The following LVRN variants were observed in gnomAD, a reference collection of about 807,000 sequenced individuals.
LVRN encodes the protein laeverin.
In LVRN, 99 loss-of-function variants were observed where a neutral mutation model predicts 111.4. That is an observed-to-expected ratio of 0.89 (90% CI 0.76 to 1.05). The LOEUF (loss-of-function observed/expected upper bound fraction) is 1.05. LVRN is among the 50% of genes least tolerant of loss of function. The probability of loss-of-function intolerance (pLI) is 0.00; values close to 1 mark genes in which losing one functional copy is unlikely to be tolerated. For missense variants in LVRN, 1,414 were observed against 1,206.8 expected (o/e 1.17, Z -2.54); for synonymous variants, 488 against 449.5 (o/e 1.09, Z -1.08).
intron 1 of LVRN, among the ~76,000 whole-genome samples, chr5:115,979,247 C>A (rs1264421573): frequency 6.6e-6 from 1 of 152,172 alleles, no homozygotes; most frequent in Admixed American, 6.5e-5. Context: ...TAGATCCCCA[C>A]CTGGTAGGAG....
chr5:115,976,115 A>G (rs1753443651), intron 1 of LVRN: 1 of 152,280 alleles, frequency 6.6e-6, no homozygotes. Context: ...ACTAGCGGCC[A>G]CAGCCTCCGG....
chr5:115,963,716 C>A (rs1432918346), intron 1 of LVRN, among the ~76,000 whole-genome samples: 2 of 152,180 alleles, frequency 1.3e-5, no homozygotes, highest in African/African-American at 2.4e-5. Context: ...TCTTTCAAAG[C>A]CAGACAGAGT....
intron 19 of LVRN, among the ~76,000 whole-genome samples, chr5:116,025,365 A>C (rs1380587459): frequency 2.0e-5 from 3 of 152,216 alleles, no homozygotes; most frequent in South Asian, 2.1e-4. Context: ...ATACAAAAAG[A>C]GACTCGGTAA....
In LVRN at chr5:115,966,252, C is replaced by T. The variant is rs551184720; in HGVS notation, c.695+2940C>T. 1.6e-4 allele frequency among the ~76,000 whole-genome samples: 25 copies of T among 152,304 alleles called. No homozygotes were observed. In the South Asian group the frequency reaches 4.8e-3, roughly 29 times the overall value. ...CCTAATCATCTCTAACCCCTGACAA[C>T]CACTAATCCGTTCCATCTTTGTAAT... On this transcript the variant is annotated intron_variant, in intron 1 of 19. Transcript: ENST00000357872.
intron 1 of LVRN, among the ~76,000 whole-genome samples, chr5:115,971,704 T>C (rs1753331258): frequency 6.6e-6 from 1 of 152,158 alleles, no homozygotes; most frequent in Non-Finnish European, 1.5e-5. Context: ...AATTCTGTAT[T>C]GTCTTGATTC....
chr5:115,981,751 A>G (rs763448605), intron 1 of LVRN, among the ~76,000 whole-genome samples: 1 of 152,274 alleles, frequency 6.6e-6, no homozygotes, highest in South Asian at 2.1e-4. Flanking sequence ...TTAAAGATGC[A>G]TCTGTAACTA....
intron 18 of LVRN, chr5:116,021,579 C>G (rs1748730528): frequency 3.2e-6 from 1 of 308,634 alleles, no homozygotes. Flanking sequence ...AGAGTTAACT[C>G]TTATCATTTT....
At chr5:116,012,025 G>T (rs1748501116) in intron 14 of LVRN, among the ~76,000 whole-genome samples, 1 of 151,682 alleles carries the variant, frequency 6.6e-6, no homozygotes, top group Admixed American at 6.6e-5. Context: ...TCTCTATTTT[G>T]AACATAACTG....
At chr5:116,004,380 G>C (rs1008451314) in intron 12 of LVRN, among the ~76,000 whole-genome samples, 34 of 152,332 alleles carry the variant, frequency 2.2e-4, no homozygotes, top group African/African-American at 8.2e-4. Flanking sequence ...GTGACTTGCT[G>C]TGAGCCCGTG....
intron 1 of LVRN, among the ~76,000 whole-genome samples, chr5:115,963,584 C>T (rs1031491952): frequency 3.9e-5 from 6 of 152,238 alleles, no homozygotes; most frequent in Admixed American, 6.5e-5. Context: ...TTAGGTATAT[C>T]TCCCAATGCA....
At chr5:115,981,322 A>T (rs1753554883) in intron 1 of LVRN, among the ~76,000 whole-genome samples, 1 of 152,206 alleles carries the variant, frequency 6.6e-6, no homozygotes, top group South Asian at 2.1e-4. Context: ...ATTATAAATG[A>T]TACAGAAGAA....
intron 6 of LVRN, among the ~76,000 whole-genome samples, chr5:115,997,944 T>C (rs1748154074): frequency 1.3e-5 from 2 of 152,104 alleles, no homozygotes; most frequent in South Asian, 4.1e-4. Context: ...ATGGTTATAG[T>C]GATATCACGA....
At chr5:116,023,874 A>G (rs1252827324) in intron 19 of LVRN, among the ~76,000 whole-genome samples, 2 of 152,208 alleles carry the variant, frequency 1.3e-5, no homozygotes, top group Admixed American at 6.5e-5. Flanking sequence ...GTTTTTTGAA[A>G]TGTTAACTGG....
rs1159259257 is a variant in LVRN, at chr5:116,027,405, A to C, written c.*1287A>C. 1.3e-5 allele frequency: 2 copies of C among 152,212 alleles called. 1 individual carries two copies. Among genetic ancestry groups the C allele is most frequent in the South Asian group, 4.1e-4 (2 of 4,824 alleles). 9.4% of individuals were successfully genotyped at this position (152,212 alleles called of 1,614,324 possible). A position where few individuals can be genotyped will look rare whatever the true frequency, so the allele number is the denominator to read the frequency against. On this transcript the variant is annotated 3_prime_UTR_variant, in exon 20 of 20. Coordinates refer to ENST00000357872, the MANE Select transcript of LVRN (RefSeq NM_173800.5). ...TATAAGTTAAGGCAGCCATAAATGA[A>C]AATACAAAACAAACGTTTGCTTTTG...
At chr5:115,974,671 T>TAGTC (rs1342162803) in intron 1 of LVRN, 1 of 160,464 alleles carries the variant, frequency 6.2e-6, no homozygotes, top group Non-Finnish European at 1.4e-5. Flanking sequence ...AAATCATTTC[T>TAGTC]AGTCACACGT....
At chr5:115,983,889 G>A (rs1198913309) in intron 2 of LVRN, among the ~76,000 whole-genome samples, 1 of 152,182 alleles carries the variant, frequency 6.6e-6, no homozygotes, top group African/African-American at 2.4e-5. Context: ...CTCTTACGTG[G>A]CAGTGATCAG....
chr5:116,010,983 C>A, intron 14 of LVRN, 89 bp downstream of exon 14: 2 of 882,312 alleles, frequency 2.3e-6, no homozygotes, highest in South Asian at 5.7e-5. Context: ...CAGGTCTTTT[C>A]CAAAGTAATA....
At chr5:115,984,478 A>T in intron 2 of LVRN, 92 bp from the exon 3 acceptor site, 1 of 1,432,550 alleles carries the variant, frequency 7.0e-7, no homozygotes, top group Non-Finnish European at 9.5e-7. Flanking sequence ...GCTGGAAAGG[A>T]GTAGCTGGGT....
rs1748881392 is a variant in LVRN at position 116,027,002 on chromosome 5, G to A, written c.*884G>A. ...TGAAATGAAAGAAACAGAACTAAAA[G>A]GCTAACTGGAGCATAATCCTTACAG... On this transcript the variant is annotated 3_prime_UTR_variant, in exon 20 of 20. Coordinates refer to ENST00000357872, the MANE Select transcript of LVRN (RefSeq NM_173800.5). 1 of 152,178 alleles carries A rather than the reference G, an allele frequency of 6.6e-6. No homozygotes were observed. Among genetic ancestry groups the A allele is most frequent in the Non-Finnish European group, 1.5e-5 (1 of 68,032 alleles). The allele number at this position is 152,178 out of a possible 1,614,324, so 9.4% of individuals were successfully genotyped here.
Sources: gnomAD v4.1 joint callset for allele counts (sites outside exome capture counted in the v4.1 genomes callset) on GRCh38, gnomAD v4.1.1 for gene constraint, MANE v1.5 for transcripts, NCBI Gene and HGNC (gene_info 2026-07-23, HGNC 2026-07-21) for gene names.